Variants in GFRA2 observed in about 807,000 individuals in gnomAD.
GFRA2 encodes the protein GDNF family receptor alpha 2, also known as GDNF family receptor alpha-2.
In GFRA2, 17 loss-of-function variants were observed where a neutral mutation model predicts 48.3. The ratio of observed to expected loss-of-function variants is 0.35; its 90% confidence interval spans 0.24 to 0.53. The LOEUF is 0.53. Ranked by LOEUF, GFRA2 falls within the 20% of genes least tolerant of loss-of-function variation. GFRA2 has a pLI of 0.93. For synonymous variants in GFRA2, 305 were observed against 257.2 expected (o/e 1.19, Z -1.78); for missense variants, 660 against 637.3 (o/e 1.04, Z -0.38).
Position 21,705,545 on chromosome 8 carries a change from TCA to T in GFRA2, c.904+385_904+386del, listed in dbSNP as rs542151776. 4.6e-5 allele frequency among the ~76,000 whole-genome samples: 7 copies of T among 152,296 alleles called. No homozygotes were observed. The East Asian group carries it at 1.4e-3, about 29-fold the overall frequency. On this transcript the variant is annotated intron_variant, in intron 5 of 8. Coordinates refer to ENST00000524240, the MANE Select transcript of GFRA2 (RefSeq NM_001495.5). ...CAAGTCACTCAACTGCTCTACAGCCTCAGTTTCCTCATCTATAAAATGGAGAT... is the reference window on the plus strand; with the variant it reads ...CAAGTCACTCAACTGCTCTACAGCCTGTTTCCTCATCTATAAAATGGAGAT...
At chr8:21,809,401 G>A (rs943079514) in intron 1 of GFRA2, among the ~76,000 whole-genome samples, 1 of 152,210 alleles carries the variant, frequency 6.6e-6, no homozygotes, top group South Asian at 2.1e-4. Context: ...CTCAGCTCAC[G>A]GCAAGCTCCG....
chr8:21,748,409 G>A (rs1563244633), intron 4 of GFRA2, among the ~76,000 whole-genome samples: 1 of 146,738 alleles, frequency 6.8e-6, no homozygotes, highest in Non-Finnish European at 1.5e-5. Flanking sequence ...GCAGGACAGG[G>A]TGTGGAGTAA....
intron 4 of GFRA2, among the ~76,000 whole-genome samples, chr8:21,713,058 G>GAGGGAGAGGGAGAGGGAGACC: frequency 6.6e-6 from 1 of 150,888 alleles, no homozygotes; most frequent in East Asian, 2.0e-4. Context: ...AGAGGGAGAC[G>GAGGGAGAGGGAGAGGGAGACC]AGGGAAAGGG....
intron 7 of GFRA2, among the ~76,000 whole-genome samples, chr8:21,696,130 C>CT (rs1330106741): frequency 6.0e-3 from 28 of 4,670 alleles, no homozygotes; most frequent in African/African-American, 0.023. Flanking sequence ...CTGTCCCCTC[C>CT]CCTCTCCCTC....
Position 21,783,002 on chromosome 8 carries a change from AT to A in GFRA2, c.41-104del, listed in dbSNP as rs1379572575. 9 of 1,139,542 alleles carry A rather than the reference AT, an allele frequency of 7.9e-6. No individual in the cohort carries two copies. In the East Asian group the frequency reaches 2.3e-4, roughly 29 times the overall value. 70.6% of individuals were successfully genotyped at this position (1,139,542 alleles called of 1,614,324 possible). A position where few individuals can be genotyped will look rare whatever the true frequency, so the allele number is the denominator to read the frequency against. ...GGGCCCTGCTGGGAACGTCACACCC[AT>A]TTCGCCAAAGCACACCAAGGCGACT... On this transcript the variant is annotated intron_variant, in intron 1 of 8. Coordinates refer to ENST00000524240, the MANE Select transcript of GFRA2 (RefSeq NM_001495.5).
At chr8:21,793,060 C>G (rs1243638024), upstream of GFRA2, among the ~76,000 whole-genome samples, 2 of 151,934 alleles carry the variant, frequency 1.3e-5, no homozygotes, top group East Asian at 3.9e-4. Flanking sequence ...GAGCGAGACC[C>G]TGCCTCAAAA....
chr8:21,768,475 C>T (rs1806285627), intron 3 of GFRA2, among the ~76,000 whole-genome samples: 1 of 152,168 alleles, frequency 6.6e-6, no homozygotes, highest in Non-Finnish European at 1.5e-5. Context: ...GAGGCACCAG[C>T]CCGACCTGCT....
chr8:21,705,900 CCA>C (rs1802716570), intron 5 of GFRA2, 30 bp downstream of exon 5: 11 of 1,425,666 alleles, frequency 7.7e-6, no homozygotes, highest in Non-Finnish European at 1.1e-5. Flanking sequence ...CAGCAAGGAC[CCA>C]CAGAGCCCAG....
intron 4 of GFRA2, among the ~76,000 whole-genome samples, chr8:21,713,621 A>G (rs1487463930): frequency 6.6e-6 from 1 of 152,090 alleles, no homozygotes; most frequent in African/African-American, 2.4e-5. Flanking sequence ...TGGACTTTCT[A>G]TAGGTCACTG....
chr8:21,791,640 A>G (rs1157816716), upstream of GFRA2, among the ~76,000 whole-genome samples: 1 of 152,238 alleles, frequency 6.6e-6, no homozygotes, highest in Non-Finnish European at 1.5e-5. Flanking sequence ...CAGTCATCTC[A>G]TCTATAAAAT....
At chr8:21,697,070 G>A (rs764987674) in intron 7 of GFRA2, among the ~76,000 whole-genome samples, 3 of 139,678 alleles carry the variant, frequency 2.1e-5, no homozygotes, top group Non-Finnish European at 4.7e-5. Flanking sequence ...AGGGGACCGA[G>A]GAGGGTAGAT....
chr8:21,730,330 G>A (rs889018750), intron 4 of GFRA2, among the ~76,000 whole-genome samples: 4 of 151,982 alleles, frequency 2.6e-5, no homozygotes, highest in Non-Finnish European at 5.9e-5. Context: ...TTGAACCCGG[G>A]AGGTGGAGGA....
intron 4 of GFRA2, among the ~76,000 whole-genome samples, chr8:21,720,443 TG>T (rs1026956681): frequency 1.3e-5 from 2 of 152,188 alleles, no homozygotes; most frequent in African/African-American, 4.8e-5. Context: ...GGACCATGCC[TG>T]GCATGCCAGC....
At chr8:21,738,565 C>T (rs1296021174) in intron 4 of GFRA2, among the ~76,000 whole-genome samples, 2 of 152,182 alleles carry the variant, frequency 1.3e-5, no homozygotes, top group South Asian at 4.1e-4. Flanking sequence ...TCCCCACCGT[C>T]TTCTGGGGAA....
chr8:21,779,343 G>A (rs1039163003), intron 2 of GFRA2, among the ~76,000 whole-genome samples: 79 of 152,318 alleles, frequency 5.2e-4, no homozygotes, highest in African/African-American at 7.0e-4. Flanking sequence ...CAGTCCTCCC[G>A]TGGCCTGATG....
chr8:21,741,272 C>A (rs549756833), intron 4 of GFRA2, among the ~76,000 whole-genome samples: 15 of 152,314 alleles, frequency 9.8e-5, no homozygotes, highest in African/African-American at 3.1e-4. Context: ...ACCTTTCCCC[C>A]CTTTCCCTCC....
At chr8:21,780,234 C>CGATG (rs1806914358) in intron 2 of GFRA2, among the ~76,000 whole-genome samples, 2 of 152,052 alleles carry the variant, frequency 1.3e-5, no homozygotes. Flanking sequence ...CTGCCCCATA[C>CGATG]GATGGCCGAT....
At chr8:21,747,877 C>T (rs1027074612) in intron 4 of GFRA2, among the ~76,000 whole-genome samples, 3 of 152,090 alleles carry the variant, frequency 2.0e-5, no homozygotes, top group African/African-American at 7.2e-5. Context: ...CACATATACA[C>T]ACTCTGTGAG....
At chr8:21,699,849 C>CG (rs1343733477) in intron 7 of GFRA2, among the ~76,000 whole-genome samples, 3 of 152,164 alleles carry the variant, frequency 2.0e-5, no homozygotes, top group Non-Finnish European at 4.4e-5. Flanking sequence ...CTGAACAAAG[C>CG]ACCCACTCCA....
Sources: gnomAD v4.1 joint callset for allele counts (sites outside exome capture counted in the v4.1 genomes callset) on GRCh38, gnomAD v4.1.1 for gene constraint, MANE v1.5 for transcripts, NCBI Gene and HGNC (gene_info 2026-07-23, HGNC 2026-07-21) for gene names.